MTRR: variants seen among roughly 807,000 people sequenced by gnomAD.
MTRR encodes 5-methyltetrahydrofolate-homocysteine methyltransferase reductase.
A neutral mutation model predicts 79.2 loss-of-function variants in MTRR; 63 were observed. The observed-to-expected ratio is 0.80, with a 90% CI of 0.65 to 0.98. The LOEUF is 0.98. Ranked by LOEUF, MTRR falls within the 50% of genes least tolerant of loss-of-function variation. The pLI is 0.00. For missense variants in MTRR, 895 were observed against 839.6 expected (o/e 1.07, Z -0.82); for synonymous variants, 355 against 313.3 (o/e 1.13, Z -1.41).
chr5:7,866,676 A>G (rs753571345), upstream of MTRR: 11 of 1,597,074 alleles, frequency 6.9e-6, no homozygotes, highest in East Asian at 8.9e-5. Context: ...AGAGGCTTGA[A>G]TATTTTTGCC....
chr5:7,898,624 G>A (rs181648879), intron 14 of MTRR, among the ~76,000 whole-genome samples: 8 of 152,246 alleles, frequency 5.3e-5, no homozygotes, highest in African/African-American at 1.9e-4. Context: ...GAGGGAGCCT[G>A]TACTGCTGAT....
At chr5:7,863,308 T>G in intron 2 of MTRR, 1 of 301,818 alleles carries the variant, frequency 3.3e-6, no homozygotes, top group Non-Finnish European at 6.2e-6. Flanking sequence ...ATAATAATGC[T>G]AACAGTTCAA....
In MTRR at chr5:7,873,726, G is replaced by A. The variant is rs59054148; in HGVS notation, c.283+200G>A. Among the ~76,000 whole-genome samples, 846 of 152,250 alleles carry A rather than the reference G, an allele frequency of 5.6e-3. 14 individuals are homozygous for A. The highest frequency in any genetic ancestry group is 0.019 in the African/African-American group (806 of 41,550). On this transcript the variant is annotated intron_variant, in intron 3 of 14. Transcript: ENST00000440940. ...GACTTTACCCCAGAGCCACACCTCT[G>A]CAGAACCTCTTGAGTAGCATTTTAA... is the stretch of plus-strand genomic sequence containing the variant.
chr5:7,897,350 A>G, intron 14 of MTRR, 103 bp downstream of exon 14: 1 of 1,176,766 alleles, frequency 8.5e-7, no homozygotes, highest in Non-Finnish European at 1.3e-6. Flanking sequence ...TGTAGGGATA[A>G]GACATTTGAT....
At position 7,858,045 on chromosome 5, in the gene MTRR, T is replaced by C. The variant is rs73032331; in HGVS notation, n.392-3906T>C. Among the ~76,000 whole-genome samples the C allele has an allele frequency of 6.4e-3, 982 of 152,300 alleles. 11 individuals are homozygous for C. The highest frequency in any genetic ancestry group is 0.02 in the African/African-American group (845 of 41,546). Reference sequence around the variant, plus strand: ...AATTGGTTAAGTCCCTTTCTGCTCCTTAAACTGAATGCTTTTAACCTCACA... The same window carrying C: ...AATTGGTTAAGTCCCTTTCTGCTCCCTAAACTGAATGCTTTTAACCTCACA... On this transcript the variant is annotated intron_variant and non_coding_transcript_variant, in intron 1 of 3. Coordinates refer to the MTRR transcript ENST00000502509.
chr5:7,880,017 T>C (rs1735319959), intron 5 of MTRR, among the ~76,000 whole-genome samples: 2 of 152,224 alleles, frequency 1.3e-5, no homozygotes, highest in Admixed American at 1.3e-4. Context: ...TCTGCTTCTC[T>C]CTAGAAGTGA....
chr5:7,859,164 A>T (rs968113627), intron 1 of MTRR: 1 of 212,782 alleles, frequency 4.7e-6, no homozygotes, highest in African/African-American at 2.3e-5. Flanking sequence ...CAAAATACTT[A>T]AAAATAACAT....
chr5:7,876,696 C>G (rs67030816), intron 4 of MTRR, among the ~76,000 whole-genome samples: 23,420 of 152,236 alleles, frequency 0.15, 1,914 homozygotes, highest in Middle Eastern at 0.36. Context: ...CACTTACTGA[C>G]TGAGATCTTG....
upstream of MTRR, chr5:7,869,011 G>T (rs766318059): frequency 7.6e-6 from 9 of 1,189,618 alleles, no homozygotes; most frequent in African/African-American, 1.5e-5. Flanking sequence ...CCGGGTGGTC[G>T]CGGAAGCGCC....
At chr5:7,872,299 C>G in intron 2 of MTRR, 1 of 434,336 alleles carries the variant, frequency 2.3e-6, no homozygotes, top group Non-Finnish European at 4.5e-6. Flanking sequence ...CTTGTGGAGT[C>G]TTACAAGTAA....
At position 7,878,032 on chromosome 5, in the gene MTRR, A is replaced by C. The variant is rs779803224; in HGVS notation, c.490A>C (p.Ser164Arg). The change falls in exon 5 of 15, where the codon AGT (serine) becomes CGT (arginine). Residue 164 changes from serine (S) to arginine (R), a missense_variant. Transcript: ENST00000440940. ...FRSSRGQEEI[S>R]GALPVASPAS... ...GTCAAGCAGAGGACAAGAGGAGATA[A>C]GTGGCGCACTCCCGGTGGCATCACC... The C allele has an allele frequency of 1.9e-5, 31 of 1,613,720 alleles. No homozygotes were observed. In the African/African-American group the frequency reaches 3.2e-4, roughly 17 times the overall value.
upstream of MTRR, chr5:7,867,621 C>T (rs1256997002): frequency 1.2e-6 from 2 of 1,614,138 alleles, no homozygotes; most frequent in Admixed American, 3.3e-5. Flanking sequence ...ATGCTATTCT[C>T]CAGTATTTCT....
At chr5:7,853,740 GGCTC>G (rs1469120825) in intron 1 of MTRR, among the ~76,000 whole-genome samples, 1 of 152,170 alleles carries the variant, frequency 6.6e-6, no homozygotes, top group Non-Finnish European at 1.5e-5. Context: ...GCTCGGTGGA[GGCTC>G]GCTCCTTCAG....
At chr5:7,896,811 G>A (rs964191914) in intron 12 of MTRR, 53 bp from the exon 13 acceptor site, 2 of 1,381,776 alleles carry the variant, frequency 1.4e-6, no homozygotes, top group East Asian at 4.6e-5. Flanking sequence ...GAAAGAGATT[G>A]GTTTTACATA....
At chr5:7,869,376 G>C (rs1193651312) in intron 1 of MTRR, 161 bp downstream of exon 1, 1 of 751,716 alleles carries the variant, frequency 1.3e-6, no homozygotes, top group Non-Finnish European at 2.2e-6. Flanking sequence ...CTGGGGCTCG[G>C]ACTTGGCCTT....
intron 5 of MTRR, among the ~76,000 whole-genome samples, chr5:7,880,296 C>T (rs1045355316): frequency 1.3e-5 from 2 of 152,204 alleles, no homozygotes. Context: ...CTTATGATAG[C>T]CCTGGGGCAT....
chr5:7,873,893 C>T (rs1255968466), intron 3 of MTRR, among the ~76,000 whole-genome samples: 1 of 152,192 alleles, frequency 6.6e-6, no homozygotes, highest in Non-Finnish European at 1.5e-5. Context: ...CAAAACAAAA[C>T]ACTCCCAATG....
chr5:7,889,081 G>T lies in MTRR; in HGVS notation c.1147-14G>T, dbSNP rs9282791. 2.6e-5 allele frequency: 42 copies of T among 1,613,796 alleles called. No individual in the cohort carries two copies. The highest frequency in any genetic ancestry group is 3.2e-5 in the Non-Finnish European group (38 of 1,180,010). ...CAAATTGTGTCACAATTTAAGGCGG[G>T]CTCCTTTTTGTAGGCATTTTTGCGA... On this transcript the variant is annotated splice_polypyrimidine_tract_variant and intron_variant, in intron 8 of 14. Coordinates refer to ENST00000440940, the MANE Select transcript of MTRR (RefSeq NM_002454.3).
intron 1 of MTRR, chr5:7,869,698 TC>T (rs1200239331): frequency 1.0e-5 from 2 of 200,210 alleles, no homozygotes; most frequent in Admixed American, 1.2e-4. Context: ...GGCCCGGGCC[TC>T]CGCTGAGAGT....
Sources: gnomAD v4.1 joint callset for allele counts (sites outside exome capture counted in the v4.1 genomes callset) on GRCh38, gnomAD v4.1.1 for gene constraint, MANE v1.5 for transcripts, NCBI Gene and HGNC (gene_info 2026-07-23, HGNC 2026-07-21) for gene names.